The following CA10 variants were observed in gnomAD, a reference collection of about 807,000 sequenced individuals.
The protein encoded by CA10 is carbonic anhydrase-related protein 10.
CA10 carries 14 observed loss-of-function variants against 44.2 expected under a neutral mutation model. The ratio of observed to expected loss-of-function variants is 0.32; its 90% CI spans 0.21 to 0.50. The LOEUF (loss-of-function observed/expected upper bound fraction) is 0.50. Among genes scored for constraint, CA10 ranks in the 20% least tolerant of loss-of-function variants. The pLI is 0.99. For missense variants in CA10, 350 were observed against 409.7 expected (o/e 0.85, Z 1.26); for synonymous variants, 159 against 141.6 (o/e 1.12, Z -0.87).
intron 5 of CA10, among the ~76,000 whole-genome samples, chr17:51,650,902 G>C (rs1424573631): frequency 6.6e-6 from 1 of 152,194 alleles, no homozygotes; most frequent in African/African-American, 2.4e-5. Flanking sequence ...GTGGGTGAGA[G>C]GATAAAATAT....
intron 2 of CA10, among the ~76,000 whole-genome samples, chr17:52,036,869 G>T (rs543325258): frequency 6.6e-6 from 1 of 152,278 alleles, no homozygotes; most frequent in East Asian, 1.9e-4. Context: ...ATCAGAGCAT[G>T]ATACATTCAC....
chr17:52,092,412 T>C (rs897486057), intron 1 of CA10, among the ~76,000 whole-genome samples: 31 of 152,314 alleles, frequency 2.0e-4, no homozygotes, highest in African/African-American at 7.0e-4. Flanking sequence ...AAGAATTTTG[T>C]CCAAAGGCCA....
chr17:51,971,835 AAAT>A (rs895225676), intron 2 of CA10, among the ~76,000 whole-genome samples: 2 of 151,928 alleles, frequency 1.3e-5, no homozygotes, highest in African/African-American at 4.8e-5. Flanking sequence ...CGTATATTTA[AAAT>A]AATTTTAAAT....
rs553795522 is a variant in CA10, at chr17:51,711,352, T to G, written c.465+36281A>C. On this transcript the variant is annotated intron_variant, in intron 4 of 8. Transcript: ENST00000451037. Reference sequence around the variant, plus strand: ...TGTATTTTAGTAGTCCTGAATATTTTAAGAGATCACTGTTTCCTTACCCTC... The same window carrying G: ...TGTATTTTAGTAGTCCTGAATATTTGAAGAGATCACTGTTTCCTTACCCTC... Among the ~76,000 whole-genome samples the G allele has an allele frequency of 2.2e-4, 34 of 152,314 alleles. 1 individual carries two copies. The South Asian group carries it at 7.0e-3, about 32-fold the overall frequency.
chr17:51,857,811 G>A (rs1334119669), intron 3 of CA10, among the ~76,000 whole-genome samples: 1 of 152,076 alleles, frequency 6.6e-6, no homozygotes, highest in South Asian at 2.1e-4. Context: ...ATGATTTCCT[G>A]TCTAGTCTGC....
intron 3 of CA10, among the ~76,000 whole-genome samples, chr17:51,807,785 T>A (rs1324004202): frequency 6.6e-6 from 1 of 152,208 alleles, no homozygotes; most frequent in African/African-American, 2.4e-5. Context: ...ACTACATGAT[T>A]TCACTTATGT....
chr17:51,653,666 A>C lies in CA10; in HGVS notation c.536T>G (p.Leu179Trp). ...TTTTATAAATATAGAAACTACCACC[A>C]ATCCATTTGGACTCTTTGCAGCTTC... Reference protein sequence around the residue: ...VTEAAKSPNGLVVVSIFIKVS... With the variant: ...VTEAAKSPNGWVVVSIFIKVS... Residue 179 changes from leucine to tryptophan, a missense_variant, in exon 5 of 9, where the codon TTG (leucine) becomes TGG (tryptophan). Physicochemically the swap from Leu to Trp is moderately conservative, Grantham distance 61 (BLOSUM62 -2). Transcript: ENST00000451037. 5 of 1,600,250 alleles carry C rather than the reference A, an allele frequency of 3.1e-6. No individual in the cohort carries two copies. Among genetic ancestry groups the C allele is most frequent in the Non-Finnish European group, 4.3e-6 (5 of 1,167,404 alleles).
At chr17:52,056,517 T>C (rs898380378) in intron 2 of CA10, among the ~76,000 whole-genome samples, 2 of 152,124 alleles carry the variant, frequency 1.3e-5, no homozygotes, top group Non-Finnish European at 2.9e-5. Flanking sequence ...GCTGGATACT[T>C]GCTGCATAAA....
At chr17:52,008,955 TC>T (rs1349586640) in intron 2 of CA10, among the ~76,000 whole-genome samples, 1 of 151,990 alleles carries the variant, frequency 6.6e-6, no homozygotes, top group Non-Finnish European at 1.5e-5. Context: ...GTGCTTCTTA[TC>T]TTTTTGACTT....
At chr17:51,660,153 T>C (rs1913946791) in intron 4 of CA10, among the ~76,000 whole-genome samples, 1 of 152,194 alleles carries the variant, frequency 6.6e-6, no homozygotes, top group Admixed American at 6.5e-5. Flanking sequence ...CATGTGTTTA[T>C]TGAACAACTC....
At chr17:51,928,951 A>G (rs1396680516) in intron 3 of CA10, among the ~76,000 whole-genome samples, 1 of 152,196 alleles carries the variant, frequency 6.6e-6, no homozygotes, top group Non-Finnish European at 1.5e-5. Flanking sequence ...GACAGTTCTC[A>G]GCTCTTCAAA....
rs866924351 is a variant in CA10, at chr17:51,680,662, G to T, written c.466-26926C>A. Reference sequence around the variant, plus strand: ...TACTTACTCCCCAGGAGTCAAGAATGCTAAAGGATTTACAGTGGGATGCAG... The same window carrying T: ...TACTTACTCCCCAGGAGTCAAGAATTCTAAAGGATTTACAGTGGGATGCAG... On this transcript the variant is annotated intron_variant, in intron 4 of 8. Transcript: ENST00000451037. 3.3e-5 allele frequency among the ~76,000 whole-genome samples: 5 copies of T among 152,316 alleles called. No homozygotes were observed. The South Asian group carries it at 6.2e-4, about 19-fold the overall frequency.
At chr17:52,153,224 T>C (rs941186717) in intron 1 of CA10, among the ~76,000 whole-genome samples, 1 of 152,150 alleles carries the variant, frequency 6.6e-6, no homozygotes, top group Non-Finnish European at 1.5e-5. Flanking sequence ...ATGATGGTTA[T>C]CTGTCAGTAA....
chr17:51,822,263 C>T (rs146457590), intron 3 of CA10, among the ~76,000 whole-genome samples: 9 of 152,074 alleles, frequency 5.9e-5, no homozygotes, highest in East Asian at 1.9e-4. Flanking sequence ...ACTAATAATA[C>T]AAAAATTAGC....
At chr17:51,988,117 C>T (rs1335473793) in intron 2 of CA10, among the ~76,000 whole-genome samples, 1 of 151,962 alleles carries the variant, frequency 6.6e-6, no homozygotes, top group African/African-American at 2.4e-5. Flanking sequence ...AAGAAACTTG[C>T]ACTACCTGTG....
intron 3 of CA10, among the ~76,000 whole-genome samples, chr17:51,790,222 C>T (rs574721087): frequency 9.2e-5 from 14 of 152,226 alleles, no homozygotes; most frequent in East Asian, 7.7e-4. Context: ...TGCTGGAGCC[C>T]GAGCCTCTGA....
chr17:52,035,623 G>A (rs1234138924), intron 2 of CA10, among the ~76,000 whole-genome samples: 1 of 152,208 alleles, frequency 6.6e-6, no homozygotes, highest in African/African-American at 2.4e-5. Context: ...AAAGAGCACT[G>A]TAACACATCA....
chr17:51,800,987 GTGCCTGGTC>G (rs778557162), intron 3 of CA10, among the ~76,000 whole-genome samples: 4 of 152,168 alleles, frequency 2.6e-5, no homozygotes, highest in Non-Finnish European at 5.9e-5. Flanking sequence ...TATCCTAGGA[GTGCCTGGTC>G]TGCCTGAGAA....
chr17:51,768,743 C>A (rs1255191358), intron 3 of CA10, among the ~76,000 whole-genome samples: 1 of 152,200 alleles, frequency 6.6e-6, no homozygotes, highest in African/African-American at 2.4e-5. Context: ...GTGGCACAAA[C>A]CCTGTGAGGC....
Sources: allele counts gnomAD v4.1 joint callset (sites outside exome capture counted in the v4.1 genomes callset), GRCh38; gene constraint gnomAD v4.1.1; transcripts MANE v1.5; gene names NCBI Gene and HGNC (gene_info 2026-07-23, HGNC 2026-07-21).